The following HS2ST1 variants were observed in gnomAD, a reference collection of about 807,000 sequenced individuals.
HS2ST1 encodes heparan sulfate 2-O-sulfotransferase 1, also known as 2-O-sulfotransferase.
Under a neutral mutation model 42.9 loss-of-function variants are expected in HS2ST1, and 18 were observed. The observed-to-expected ratio is 0.42, with a 90% CI of 0.29 to 0.62. The LOEUF is 0.62. Ranked by LOEUF, HS2ST1 falls within the 20% of genes least tolerant of loss-of-function variation. The probability of loss-of-function intolerance (pLI) is 0.21; values close to 1 mark genes in which losing one functional copy is unlikely to be tolerated. For synonymous variants in HS2ST1, 146 were observed against 152.9 expected, an observed-to-expected ratio of 0.95 and a Z score of 0.33; for missense variants, 334 against 433.8, an observed-to-expected ratio of 0.77 and a Z score of 2.04.
At position 87,106,177 on chromosome 1, in the gene HS2ST1, G is replaced by A. The variant is rs532650863; in HGVS notation, c.*1481G>A. 3 of 152,610 alleles carry A rather than the reference G, an allele frequency of 2.0e-5. No homozygotes were observed. The South Asian group carries it at 6.2e-4, about 32-fold the overall frequency. 9.5% of individuals were successfully genotyped at this position (152,610 alleles called of 1,614,324 possible). On this transcript the variant is annotated 3_prime_UTR_variant, in exon 7 of 7. Coordinates refer to ENST00000370550, the MANE Select transcript of HS2ST1 (RefSeq NM_012262.4). ...AAGAAAGGGAAAAGTCTGCTTGTAA[G>A]CTGGTTGAAAAAGTTAATCTTGATA...
chr1:87,047,419 A>G (rs1317190562), intron 1 of HS2ST1, among the ~76,000 whole-genome samples: 1 of 152,070 alleles, frequency 6.6e-6, no homozygotes, highest in Non-Finnish European at 1.5e-5. Flanking sequence ...TTTTAATTTC[A>G]GTGAAGTCCA....
chr1:87,035,051 C>G (rs1650338293), intron 1 of HS2ST1, among the ~76,000 whole-genome samples: 1 of 152,118 alleles, frequency 6.6e-6, no homozygotes, highest in African/African-American at 2.4e-5. Flanking sequence ...TGCTGTGCAG[C>G]TGGAGGATGG....
intron 1 of HS2ST1, among the ~76,000 whole-genome samples, chr1:86,979,099 G>T (rs1022520694): frequency 6.6e-6 from 1 of 151,978 alleles, no homozygotes; most frequent in East Asian, 1.9e-4. Context: ...TAAGCAATCC[G>T]CCTGCCTCAG....
intron 1 of HS2ST1, among the ~76,000 whole-genome samples, chr1:86,943,670 T>C (rs1469409431): frequency 6.6e-6 from 1 of 151,242 alleles, no homozygotes; most frequent in Non-Finnish European, 1.5e-5. Flanking sequence ...CAGTGAGCAC[T>C]GATTACACCA....
intron 1 of HS2ST1, among the ~76,000 whole-genome samples, chr1:87,060,281 T>C (rs1337274584): frequency 6.6e-6 from 1 of 152,152 alleles, no homozygotes; most frequent in Admixed American, 6.5e-5. Context: ...AATTGCAAAA[T>C]GCTTTTGCAA....
At chr1:87,018,132 CCACACACACACACA>C (rs56401098) in intron 1 of HS2ST1, among the ~76,000 whole-genome samples, 1 of 149,238 alleles carries the variant, frequency 6.7e-6, no homozygotes, top group Non-Finnish European at 1.5e-5. Flanking sequence ...TAAATAAAAG[CCACACACACACACA>C]CACACACACA....
intron 1 of HS2ST1, among the ~76,000 whole-genome samples, chr1:86,942,928 TC>T (rs780642030): frequency 6.0e-5 from 9 of 149,254 alleles, no homozygotes; most frequent in Admixed American, 1.3e-4. Flanking sequence ...TGATTTTTTT[TC>T]CCCCCTTATC....
chr1:87,019,395 CAG>C (rs757731882), intron 1 of HS2ST1, among the ~76,000 whole-genome samples: 2 of 152,180 alleles, frequency 1.3e-5, no homozygotes, highest in African/African-American at 2.4e-5. Context: ...CATGCAATGT[CAG>C]AGTTTGTATG....
intron 1 of HS2ST1, among the ~76,000 whole-genome samples, chr1:86,924,322 C>A (rs1049211020): frequency 6.6e-5 from 10 of 152,192 alleles, no homozygotes; most frequent in Admixed American, 6.5e-4. Flanking sequence ...GTGTCTGTGG[C>A]TTTTCCAGGT....
chr1:86,965,311 G>T (rs895042569), intron 1 of HS2ST1, among the ~76,000 whole-genome samples: 2 of 151,826 alleles, frequency 1.3e-5, no homozygotes. Flanking sequence ...CCCACTTGAG[G>T]CATGGCATTT....
chr1:87,090,479 T>C (rs527455476), intron 3 of HS2ST1, among the ~76,000 whole-genome samples: 37 of 151,946 alleles, frequency 2.4e-4, no homozygotes, highest in Admixed American at 2.4e-3. Flanking sequence ...GAAACACTAG[T>C]AGGATAAGCT....
intron 1 of HS2ST1, among the ~76,000 whole-genome samples, chr1:86,949,133 G>A (rs548650284): frequency 6.6e-5 from 10 of 152,166 alleles, no homozygotes; most frequent in African/African-American, 2.4e-4. Flanking sequence ...TTTTAAGATG[G>A]AGTCTTGCTC....
chr1:86,962,626 C>T (rs1264493380), intron 1 of HS2ST1, among the ~76,000 whole-genome samples: 3 of 152,110 alleles, frequency 2.0e-5, no homozygotes, highest in African/African-American at 7.2e-5. Flanking sequence ...CGTGGCTTGC[C>T]TGGATGCTGT....
chr1:87,046,909 T>C (rs1166628404), intron 1 of HS2ST1, among the ~76,000 whole-genome samples: 1 of 149,660 alleles, frequency 6.7e-6, no homozygotes, highest in Admixed American at 6.7e-5. Flanking sequence ...GCTTTCACCA[T>C]ATTGTCCAGG....
rs1285905317 is a variant in HS2ST1 at position 86,976,379 on chromosome 1, G to A, written c.124+61219G>A. On this transcript the variant is annotated intron_variant, in intron 1 of 6. Coordinates refer to ENST00000370550, the MANE Select transcript of HS2ST1 (RefSeq NM_012262.4). ...GGCTGCTTATTCCCAGGAGTAGGGG[G>A]GATGAACTGTTCTGTTGGAAAGCTT... Among the ~76,000 whole-genome samples, 5 of 152,234 alleles carry A rather than the reference G, an allele frequency of 3.3e-5. No individual in the cohort carries two copies. In the East Asian group the frequency reaches 7.7e-4, roughly 24 times the overall value.
chr1:86,937,722 T>TGA (rs1553131272), intron 1 of HS2ST1, among the ~76,000 whole-genome samples: 2 of 151,918 alleles, frequency 1.3e-5, no homozygotes, highest in African/African-American at 4.8e-5. Context: ...TCCTTCTACC[T>TGA]TATATATATA....
At chr1:87,103,623 CTTTGGTTTGGTTT>C (rs773317666) in intron 6 of HS2ST1, 34 bp downstream of exon 6, 1 of 1,452,052 alleles carries the variant, frequency 6.9e-7, no homozygotes, top group Non-Finnish European at 9.1e-7. Context: ...TTAAAGCTTT[CTTTGGTTTGGTTT>C]TTTGGTTTGC....
chr1:87,097,866 G>C lies in HS2ST1; in HGVS notation c.617G>C (p.Gly206Ala). Residue 206 changes from glycine to alanine, a missense_variant, in exon 5 of 7, where the codon GGC becomes GCC. By Grantham distance (60) the Gly-to-Ala change is moderately conservative. Coordinates refer to ENST00000370550, the MANE Select transcript of HS2ST1 (RefSeq NM_012262.4). ...KTFDECVAEG[G>A]SDCAPEKLWL... ...TTTGATGAATGTGTAGCAGAAGGTG[G>C]CTCAGACTGTGCTCCAGAGAAGCTC... 1 of 1,614,012 alleles carries C rather than the reference G, an allele frequency of 6.2e-7. No homozygotes were observed. Among genetic ancestry groups the C allele is most frequent in the South Asian group, 1.1e-5 (1 of 91,076 alleles).
chr1:87,055,081 A>C (rs543295034), intron 1 of HS2ST1, among the ~76,000 whole-genome samples: 1 of 152,282 alleles, frequency 6.6e-6, no homozygotes, highest in Non-Finnish European at 1.5e-5. Context: ...ATGCCACATT[A>C]CATTCTAATC....
Sources: allele counts gnomAD v4.1 joint callset (sites outside exome capture counted in the v4.1 genomes callset), GRCh38; gene constraint gnomAD v4.1.1; transcripts MANE v1.5; gene names NCBI Gene and HGNC (gene_info 2026-07-23, HGNC 2026-07-21).